Variants in DYNC1LI2 observed in about 807,000 individuals in gnomAD.
DYNC1LI2 encodes dynein cytoplasmic 1 light intermediate chain 2, also known as cytoplasmic dynein 1 light intermediate chain 2.
A neutral mutation model predicts 57.8 loss-of-function variants in DYNC1LI2; 19 were observed. The observed-to-expected ratio is 0.33, with a 90% CI of 0.23 to 0.48. DYNC1LI2 has a LOEUF of 0.48. DYNC1LI2 is among the 20% of genes least tolerant of loss of function. The probability of loss-of-function intolerance (pLI) is 0.99; values close to 1 mark genes in which losing one functional copy is unlikely to be tolerated. For synonymous variants in DYNC1LI2, 256 were observed against 233.4 expected (o/e 1.10, Z -0.88); for missense variants, 470 against 604.2 (o/e 0.78, Z 2.33).
At chr16:66,743,035 G>A (rs1211237023) in intron 3 of DYNC1LI2, among the ~76,000 whole-genome samples, 2 of 151,986 alleles carry the variant, frequency 1.3e-5, no homozygotes. Flanking sequence ...CGTGACACTC[G>A]CCTGTAATCC....
chr16:66,746,149 G>A (rs1453802381), intron 3 of DYNC1LI2, among the ~76,000 whole-genome samples: 1 of 151,368 alleles, frequency 6.6e-6, no homozygotes, highest in Admixed American at 6.6e-5. Context: ...ATACTACTCT[G>A]TACCCAAAGT....
chr16:66,742,806 C>A, intron 3 of DYNC1LI2, 138 bp from the exon 4 acceptor site: 2 of 931,436 alleles, frequency 2.1e-6, no homozygotes, highest in Admixed American at 2.6e-5. Context: ...AAATCCAAAC[C>A]AAAAAGTGCC....
Position 66,751,206 on chromosome 16 carries a change from C to G in DYNC1LI2, c.181+67G>C. 4 of 1,551,532 alleles carry G rather than the reference C, an allele frequency of 2.6e-6. No individual in the cohort carries two copies. The South Asian group carries it at 4.7e-5, about 18-fold the overall frequency. On this transcript the variant is annotated intron_variant, in intron 2 of 12. Transcript: ENST00000258198. This position sits in a 1 kb window ranked among gnomAD's most constrained non-coding sequence, Gnocchi z 5.2. Reference sequence around the variant, plus strand: ...CGGCTGGAACGGGGAAGGCGGGGACCTGAGGGAGGGGCGCCCGCCTCGCCC... The same window carrying G: ...CGGCTGGAACGGGGAAGGCGGGGACGTGAGGGAGGGGCGCCCGCCTCGCCC...
chr16:66,742,063 A>C (rs965983643), intron 4 of DYNC1LI2, among the ~76,000 whole-genome samples: 2 of 152,200 alleles, frequency 1.3e-5, no homozygotes, highest in Non-Finnish European at 2.9e-5. Context: ...CAGGGCAGTA[A>C]ACTCAAGCTG....
At chr16:66,744,334 G>C (rs1200197584) in intron 3 of DYNC1LI2, among the ~76,000 whole-genome samples, 1 of 152,196 alleles carries the variant, frequency 6.6e-6, no homozygotes, top group East Asian at 1.9e-4. Flanking sequence ...TTACAGGCCT[G>C]AGCCAGTGCG....
chr16:66,735,663 C>T (rs760844981), intron 5 of DYNC1LI2, among the ~76,000 whole-genome samples: 1 of 152,016 alleles, frequency 6.6e-6, no homozygotes, highest in Non-Finnish European at 1.5e-5. Flanking sequence ...CCCGCCACCA[C>T]GGCTGTCTAA....
chr16:66,723,512 G>C lies in DYNC1LI2; in HGVS notation c.*210C>G. 1.6e-6 allele frequency: 1 copy of C among 644,846 alleles called. No individual in the cohort carries two copies. The highest frequency in any genetic ancestry group is 1.5e-5 in the South Asian group (1 of 66,218). The allele number at this position is 644,846 out of a possible 1,614,324, so 39.9% of individuals were successfully genotyped here. On this transcript the variant is annotated 3_prime_UTR_variant, in exon 13 of 13. Transcript: ENST00000258198. ...AGAGCCACATGCCCCAGAGTCCAAG[G>C]GTTATCCTTAACAAAGGGTCTGACA...
rs746147200 is a variant in DYNC1LI2, at chr16:66,751,577, C to A, written c.15G>T (p.Gly5=). The change falls in exon 1 of 13, where the codon GGG becomes GGT. Residue 5 remains glycine (G), a synonymous_variant. Coordinates refer to ENST00000258198, the MANE Select transcript of DYNC1LI2 (RefSeq NM_006141.3). This position sits in a 1 kb window ranked among gnomAD's most constrained non-coding sequence, Gnocchi z 5.2. MAPV[G]VEKKLLLGPN... The stretch of plus-strand genomic sequence containing the variant: ...GACCTAGCAGCAGCTTCTTCTCCAC[C>A]CCCACCGGCGCCATCTTGCCAACTG... The A allele has an allele frequency of 6.3e-7, 1 of 1,578,138 alleles. No individual in the cohort carries two copies. The highest frequency in any genetic ancestry group is 1.1e-5 in the South Asian group (1 of 88,108).
Position 66,742,617 on chromosome 16 carries a change from C to T in DYNC1LI2, c.350G>A (p.Gly117Asp), listed in dbSNP as rs2144999833. ...AGCAGAAACTGCAAATTTCAGCAGG[C>T]CTTTGTGGTACAAGTCTCCATCCAG... Reference protein sequence around the residue: ...WILDGDLYHKGLLKFAVSAES... With the variant: ...WILDGDLYHKDLLKFAVSAES... The change falls in exon 4 of 13, where the codon GGC becomes GAC. Residue 117 changes from glycine to aspartate, a missense_variant. Physicochemically the swap from Gly to Asp is moderately conservative, Grantham distance 94 (BLOSUM62 -1). Transcript: ENST00000258198. 1.9e-6 allele frequency: 3 copies of T among 1,614,162 alleles called. No individual in the cohort carries two copies. The highest frequency in any genetic ancestry group is 2.5e-6 in the Non-Finnish European group (3 of 1,180,030).
chr16:66,732,197 G>C lies in DYNC1LI2; in HGVS notation c.929+142C>G. 5 of 1,090,130 alleles carry C rather than the reference G, an allele frequency of 4.6e-6. 1 individual carries two copies. The South Asian group carries it at 9.0e-5, about 20-fold the overall frequency. 67.5% of individuals were successfully genotyped at this position (1,090,130 alleles called of 1,614,324 possible). A position where few individuals can be genotyped will look rare whatever the true frequency, so the allele number is the denominator to read the frequency against. On this transcript the variant is annotated intron_variant, in intron 7 of 12. Transcript: ENST00000258198. ...CCTCAGGCAGATGCCTCATAATCCG[G>C]AAAGGAACAGAGAGAAGGTGCAGTG... is the stretch of plus-strand genomic sequence containing the variant.
At chr16:66,740,597 CA>C (rs1391664528) in intron 4 of DYNC1LI2, among the ~76,000 whole-genome samples, 1 of 152,128 alleles carries the variant, frequency 6.6e-6, no homozygotes, top group Non-Finnish European at 1.5e-5. Context: ...TCCTTATAAC[CA>C]AACTGAACTT....
At chr16:66,750,186 A>G (rs1400189935) in intron 2 of DYNC1LI2, among the ~76,000 whole-genome samples, 4 of 152,102 alleles carry the variant, frequency 2.6e-5, no homozygotes, top group Admixed American at 2.6e-4. Context: ...TTCTTTCTAA[A>G]ACTCAGATCT....
intron 2 of DYNC1LI2, 133 bp from the exon 3 acceptor site, chr16:66,749,446 T>A: frequency 1.1e-6 from 1 of 879,936 alleles, no homozygotes; most frequent in South Asian, 1.5e-5. Context: ...CCTGCTTTCA[T>A]AAACAAAGGA....
intron 9 of DYNC1LI2, 111 bp downstream of exon 9, chr16:66,728,929 C>T: frequency 9.0e-7 from 1 of 1,108,794 alleles, no homozygotes; most frequent in Non-Finnish European, 1.4e-6. Context: ...AACCCCTCTA[C>T]CACTGCAAGC....
intron 9 of DYNC1LI2, among the ~76,000 whole-genome samples, 191 bp from the exon 10 acceptor site, chr16:66,728,433 T>C (rs886463849): frequency 2.0e-5 from 3 of 152,060 alleles, no homozygotes; most frequent in Non-Finnish European, 2.9e-5. Context: ...ATACTCCAAG[T>C]AACCAGTTTT....
Position 66,732,245 on chromosome 16 carries a change from C to A in DYNC1LI2, c.929+94G>T, listed in dbSNP as rs527602194. On this transcript the variant is annotated intron_variant, in intron 7 of 12. Transcript: ENST00000258198. ...GTGAGAGAGCTGGCTGTAGAAGACA[C>A]AGACAGAAGGCACCTTCCTTGAAGG... The A allele has an allele frequency of 1.6e-5, 24 of 1,477,322 alleles. No individual in the cohort carries two copies. The South Asian group carries it at 2.9e-4, about 18-fold the overall frequency. The allele number at this position is 1,477,322 out of a possible 1,614,324, so 91.5% of individuals were successfully genotyped here. A position where few individuals can be genotyped will look rare whatever the true frequency, so the allele number is the denominator to read the frequency against.
chr16:66,725,717 C>T (rs2017525736), intron 12 of DYNC1LI2, 111 bp downstream of exon 12: 1 of 1,061,972 alleles, frequency 9.4e-7, no homozygotes, highest in South Asian at 1.6e-5. Context: ...GACCTGCTTC[C>T]TTGCTTGGCT....
intron 12 of DYNC1LI2, among the ~76,000 whole-genome samples, chr16:66,724,051 T>C (rs1403542052): frequency 2.0e-5 from 3 of 152,130 alleles, no homozygotes; most frequent in Non-Finnish European, 2.9e-5. Context: ...AGGGAGTGAC[T>C]TGACTGCTCT....
At chr16:66,735,339 G>A (rs1022017154) in intron 5 of DYNC1LI2, among the ~76,000 whole-genome samples, 9 of 151,872 alleles carry the variant, frequency 5.9e-5, no homozygotes, top group Non-Finnish European at 1.0e-4. Context: ...GACCTCAAAT[G>A]ATCCACCCAC....
Sources: gnomAD v4.1 joint callset for allele counts (sites outside exome capture counted in the v4.1 genomes callset) on GRCh38, gnomAD v4.1.1 for gene constraint, Gnocchi (gnomAD v3.1) non-coding constraint, MANE v1.5 for transcripts, NCBI Gene and HGNC (gene_info 2026-07-23, HGNC 2026-07-21) for gene names.